The following RALYL variants were observed in gnomAD, a reference collection of about 807,000 sequenced individuals.
The protein encoded by RALYL is RNA-binding Raly-like protein.
Under a neutral mutation model 35.1 loss-of-function variants are expected in RALYL, and 29 were observed. The ratio of observed to expected loss-of-function variants is 0.83; its 90% CI spans 0.61 to 1.13. The LOEUF (loss-of-function observed/expected upper bound fraction) is 1.13. Ranked by LOEUF, RALYL falls within the 50% of genes most tolerant of loss-of-function variation. The pLI, the probability that RALYL is intolerant of heterozygous loss-of-function variation, is 0.00. For synonymous variants in RALYL, 120 were observed against 127.6 expected (o/e 0.94, Z 0.40); for missense variants, 359 against 360.4 (o/e 1.00, Z 0.03).
At chr8:84,373,369 C>T (rs57721131) in intron 1 of RALYL, among the ~76,000 whole-genome samples, 4,497 of 151,950 alleles carry the variant, frequency 0.03, 216 homozygotes, top group African/African-American at 0.1. Flanking sequence ...ATTTAAATCT[C>T]CAATCCACCT....
At chr8:84,727,562 G>A (rs1194726592) in intron 2 of RALYL, among the ~76,000 whole-genome samples, 4 of 151,532 alleles carry the variant, frequency 2.6e-5, no homozygotes, top group Admixed American at 6.6e-5. Context: ...ATGCTGGTGC[G>A]CTGCACCCAC....
intron 1 of RALYL, among the ~76,000 whole-genome samples, chr8:84,423,981 C>T (rs1444327402): frequency 1.3e-5 from 2 of 151,692 alleles, no homozygotes; most frequent in East Asian, 1.9e-4. Context: ...CTGCCCTTAA[C>T]ATTTTTTCCT....
At chr8:84,659,965 G>T (rs565249284) in intron 2 of RALYL, among the ~76,000 whole-genome samples, 4 of 152,224 alleles carry the variant, frequency 2.6e-5, no homozygotes, top group African/African-American at 7.2e-5. Flanking sequence ...ACAAGAAATA[G>T]AGGTTTAAGT....
chr8:84,749,422 G>A (rs924701832), intron 2 of RALYL, among the ~76,000 whole-genome samples: 5 of 152,076 alleles, frequency 3.3e-5, no homozygotes, highest in Admixed American at 6.6e-5. Context: ...TGTTTCACAA[G>A]TCACTTGGGA....
chr8:84,455,272 T>C (rs747316485), intron 1 of RALYL, among the ~76,000 whole-genome samples: 1 of 151,996 alleles, frequency 6.6e-6, no homozygotes, highest in Non-Finnish European at 1.5e-5. Flanking sequence ...GCTTCAAGAC[T>C]AGATAAGGTA....
At chr8:84,699,690 C>A (rs572021895) in intron 2 of RALYL, among the ~76,000 whole-genome samples, 1 of 152,144 alleles carries the variant, frequency 6.6e-6, no homozygotes, top group Admixed American at 6.6e-5. Flanking sequence ...TGGAGAGGAA[C>A]AAAAACATTT....
chr8:84,822,987 G>A (rs1828849452), intron 4 of RALYL, among the ~76,000 whole-genome samples: 2 of 152,096 alleles, frequency 1.3e-5, no homozygotes, highest in Admixed American at 6.6e-5. Flanking sequence ...GAGGTGCACT[G>A]AACTGCTGCT....
chr8:84,404,618 T>C (rs932208596), intron 1 of RALYL, among the ~76,000 whole-genome samples: 1 of 152,166 alleles, frequency 6.6e-6, no homozygotes, highest in Admixed American at 6.5e-5. Flanking sequence ...ATCAGGGATG[T>C]TGGCCTGAAA....
intron 1 of RALYL, among the ~76,000 whole-genome samples, chr8:84,396,300 G>A (rs766994062): frequency 3.0e-4 from 46 of 151,816 alleles, no homozygotes; most frequent in Non-Finnish European, 5.5e-4. Context: ...AAAATTTGTG[G>A]CATATATTTG....
At chr8:84,343,893 T>G (rs367839489) in intron 1 of RALYL, among the ~76,000 whole-genome samples, 4,561 of 151,320 alleles carry the variant, frequency 0.03, 121 homozygotes, top group Non-Finnish European at 0.035. Flanking sequence ...TGTTTGTTTT[T>G]TTTTTTAACA....
chr8:84,599,563 C>G (rs1416728829), intron 2 of RALYL, among the ~76,000 whole-genome samples: 1 of 151,900 alleles, frequency 6.6e-6, no homozygotes, highest in Non-Finnish European at 1.5e-5. Context: ...GAATCTAAGG[C>G]AATATATATC....
intron 2 of RALYL, among the ~76,000 whole-genome samples, chr8:84,539,553 C>G (rs765197433): frequency 4.0e-5 from 6 of 151,886 alleles, no homozygotes; most frequent in African/African-American, 7.3e-5. Context: ...ATGATGGTTT[C>G]TGCTTTTTCT....
intron 1 of RALYL, among the ~76,000 whole-genome samples, chr8:84,294,626 C>T (rs946342402): frequency 6.6e-6 from 1 of 151,956 alleles, no homozygotes; most frequent in Admixed American, 6.6e-5. Context: ...CAAGGAAGGT[C>T]GCCAAAATGA....
At chr8:84,807,510 C>A (rs570092046) in intron 4 of RALYL, among the ~76,000 whole-genome samples, 3 of 152,258 alleles carry the variant, frequency 2.0e-5, no homozygotes, top group East Asian at 3.9e-4. Flanking sequence ...ATAATGACTT[C>A]TTTTCCTCTG....
chr8:84,570,286 A>G (rs1807620021), intron 2 of RALYL, among the ~76,000 whole-genome samples: 1 of 151,358 alleles, frequency 6.6e-6, no homozygotes, highest in Non-Finnish European at 1.5e-5. Flanking sequence ...TTCTCCTTGT[A>G]TGAATCTTTC....
intron 1 of RALYL, among the ~76,000 whole-genome samples, chr8:84,289,227 C>A (rs1009535674): frequency 1.3e-5 from 2 of 152,088 alleles, no homozygotes; most frequent in African/African-American, 4.8e-5. Flanking sequence ...GAGATGGCTG[C>A]CAGGTCCTTG....
At chr8:84,348,010 T>C (rs2131009555) in intron 1 of RALYL, among the ~76,000 whole-genome samples, 1 of 152,200 alleles carries the variant, frequency 6.6e-6, no homozygotes, top group South Asian at 2.1e-4. Flanking sequence ...ATTTGCTTTT[T>C]TTGGGCATGG....
intron 2 of RALYL, among the ~76,000 whole-genome samples, chr8:84,735,796 A>C (rs1847152173): frequency 7.0e-6 from 1 of 143,434 alleles, no homozygotes; most frequent in African/African-American, 2.8e-5. Flanking sequence ...CCATTCCTTA[A>C]GATCATCCAA....
chr8:84,186,376 A>G (rs954838903), intron 1 of RALYL, among the ~76,000 whole-genome samples: 2 of 152,216 alleles, frequency 1.3e-5, no homozygotes. Context: ...CATTTCAATT[A>G]TAACAATGTA....
Sources: allele counts gnomAD v4.1 joint callset (sites outside exome capture counted in the v4.1 genomes callset), GRCh38; gene constraint gnomAD v4.1.1; transcripts MANE v1.5; gene names NCBI Gene and HGNC (gene_info 2026-07-23, HGNC 2026-07-21).